The following WNT10B variants were observed in gnomAD, a reference collection of about 807,000 sequenced individuals.
WNT10B encodes protein Wnt-10b.
Under a neutral mutation model 32.7 loss-of-function variants are expected in WNT10B, and 26 were observed. That is an observed-to-expected ratio of 0.79 (90% CI 0.58 to 1.10). WNT10B has a LOEUF of 1.10. Among genes scored for constraint, WNT10B ranks in the 50% least tolerant of loss-of-function variants. The pLI is 0.00. For synonymous variants in WNT10B, 204 were observed against 220.4 expected, an observed-to-expected ratio of 0.93 and a Z score of 0.66; for missense variants, 474 against 532.5, an observed-to-expected ratio of 0.89 and a Z score of 1.08.
chr12:48,966,150 C>CA lies in WNT10B; in HGVS notation c.1114dup (p.Cys372LeufsTer6), dbSNP rs1565715014. 6.2e-7 allele frequency: 1 copy of CA among 1,613,728 alleles called. No individual in the cohort carries two copies. On this transcript the variant is annotated frameshift_variant, in exon 5 of 5. Transcript: ENST00000301061. LOFTEE classifies it high-confidence loss of function. ...CTTGCACTCATCACACAGCACATAG[C>CA]AGCACCAGTGGAAGCGGCAATGGCA...
chr12:48,970,442 G>C lies in WNT10B; in HGVS notation c.74+14C>G. On this transcript the variant is annotated intron_variant, in intron 2 of 4. Coordinates refer to ENST00000301061, the MANE Select transcript of WNT10B (RefSeq NM_003394.4). This position sits in a 1 kb window ranked among gnomAD's most constrained non-coding sequence, Gnocchi z 5.0. The stretch of plus-strand genomic sequence containing the variant: ...GGTGTTTCTATGGCCTGGGAGACAA[G>C]GGGAACTGCTCACCGACTGCACAAC... The C allele has an allele frequency of 1.2e-6, 2 of 1,613,634 alleles. No individual in the cohort carries two copies. The highest frequency in any genetic ancestry group is 1.1e-5 in the South Asian group (1 of 90,982).
Position 48,965,851 on chromosome 12 carries a change from T to A in WNT10B, c.*244A>T. ...AGCAATACAGTGCATTTCATCTTAG[T>A]CCATTCAGGTGTCTAAGGAGCAGAA... On this transcript the variant is annotated 3_prime_UTR_variant, in exon 5 of 5. Coordinates refer to ENST00000301061, the MANE Select transcript of WNT10B (RefSeq NM_003394.4). 3 of 566,228 alleles carry A rather than the reference T, an allele frequency of 5.3e-6. No homozygotes were observed. In the South Asian group the frequency reaches 6.2e-5, roughly 12 times the overall value. 35.1% of individuals were successfully genotyped at this position (566,228 alleles called of 1,614,324 possible).
At chr12:48,967,812 A>G (rs1411988204) in intron 4 of WNT10B, 134 bp downstream of exon 4, 50 of 1,257,366 alleles carry the variant, frequency 4.0e-5, no homozygotes, top group Non-Finnish European at 8.7e-6. Context: ...CAGATACAAA[A>G]CTGAGGCTGG....
In WNT10B at chr12:48,966,455, T is replaced by G. The variant is rs768851586; in HGVS notation, c.810A>C (p.Ala270=). The G allele has an allele frequency of 1.9e-6, 3 of 1,614,028 alleles. No homozygotes were observed. The highest frequency in any genetic ancestry group is 2.5e-6 in the Non-Finnish European group (3 of 1,180,024). The change falls in exon 5 of 5, where the codon GCA becomes GCC. Residue 270 remains alanine (A), a synonymous_variant. Transcript: ENST00000301061. ...TCWRAAPEFR[A]VGAALRERLG... The stretch of plus-strand genomic sequence containing the variant: ...GCCGCTCCCTCAACGCCGCCCCCAC[T>G]GCCCGGAACTCTGGGGCCGCCCTCC...
At chr12:48,969,226 T>C (rs1202337848) in intron 3 of WNT10B, 2 of 446,622 alleles carry the variant, frequency 4.5e-6, no homozygotes, top group Non-Finnish European at 9.2e-6. Flanking sequence ...CAGCACCCGC[T>C]TAGAGACCAG....
chr12:48,967,980 C>T lies in WNT10B; in HGVS notation c.677G>A (p.Arg226Gln), dbSNP rs775256500. The T allele has an allele frequency of 4.3e-6, 7 of 1,614,230 alleles. No individual in the cohort carries two copies. Among genetic ancestry groups the T allele is most frequent in the South Asian group, 2.2e-5 (2 of 91,086 alleles). ...CACCCTGTTGTTGTGGATTCGCATT[C>T]GTGCCTGGATGTCCCGGGGAGCTTC... ...SREAPRDIQARMRIHNNRVGR... is the reference protein window; with the variant it reads ...SREAPRDIQAQMRIHNNRVGR... Residue 226 changes from arginine (R) to glutamine (Q), a missense_variant, in exon 4 of 5, where the codon CGA (arginine) becomes CAA (glutamine). By Grantham distance (43) the Arg-to-Gln change is conservative (BLOSUM62 1). Transcript: ENST00000301061.
rs1249876204 is a variant in WNT10B, at chr12:48,968,332, A to G, written c.338-13T>C. The stretch of plus-strand genomic sequence containing the variant: ...CTTTCTCGGAAACCTGGGGATGAGA[A>G]GGGTGTGATGGTGGAGGTAAGGTTG... On this transcript the variant is annotated splice_polypyrimidine_tract_variant and intron_variant, in intron 3 of 4. Coordinates refer to ENST00000301061, the MANE Select transcript of WNT10B (RefSeq NM_003394.4). 6.3e-7 allele frequency: 1 copy of G among 1,599,964 alleles called. No individual in the cohort carries two copies. The highest frequency in any genetic ancestry group is 8.5e-7 in the Non-Finnish European group (1 of 1,179,950).
At chr12:48,971,116 G>T (rs2137615888) in intron 1 of WNT10B, among the ~76,000 whole-genome samples, 1 of 152,294 alleles carries the variant, frequency 6.6e-6, no homozygotes, top group African/African-American at 2.4e-5. Flanking sequence ...GGCTCCAGGT[G>T]CAGGAAAGAT....
Position 48,966,481 on chromosome 12 carries a change from A to G in WNT10B, c.784T>C (p.Trp262Arg). 6.2e-7 allele frequency: 1 copy of G among 1,614,100 alleles called. No individual in the cohort carries two copies. The highest frequency in any genetic ancestry group is 8.5e-7 in the Non-Finnish European group (1 of 1,180,036). ...GCCCGGAACTCTGGGGCCGCCCTCC[A>G]GCATGTCTTGAACTGGCAGCTGCCT... The part of the protein sequence containing the change: ...TSGSCQFKTC[W>R]RAAPEFRAVG... Residue 262 changes from tryptophan (W) to arginine (R), a missense_variant, in exon 5 of 5, where the codon TGG (tryptophan) becomes CGG (arginine). Transcript: ENST00000301061.
At position 48,966,350 on chromosome 12, in the gene WNT10B, T is replaced by G. The variant is rs767165817; in HGVS notation, c.915A>C (p.Ser305=). ...ACTTCTCAAAGTAGACCAGCTCTCC[T>G]GAGAGGCGACGGGGACGCAGACGGG... ...FQPRLRPRRL[S]GELVYFEKSP... The change falls in exon 5 of 5, where the codon TCA becomes TCC. Residue 305 remains serine, a synonymous_variant. Transcript: ENST00000301061. 1.2e-6 allele frequency: 2 copies of G among 1,614,188 alleles called. No individual in the cohort carries two copies. The highest frequency in any genetic ancestry group is 2.2e-5 in the South Asian group (2 of 91,082).
At chr12:48,968,728 A>G (rs1160537915) in intron 3 of WNT10B, among the ~76,000 whole-genome samples, 1 of 150,766 alleles carries the variant, frequency 6.6e-6, no homozygotes, top group East Asian at 2.0e-4. Flanking sequence ...AATTCCCCCA[A>G]CCCTGCAGGG....
At position 48,968,255 on chromosome 12, in the gene WNT10B, C is replaced by A; in HGVS notation, c.402G>T (p.Thr134=). Reference sequence around the variant, plus strand: ...TCACCAGCTTGCCCAGGCTGCAGGCCGTGGCTACTGCGTGCATGACCCCAG... The same window carrying A: ...TCACCAGCTTGCCCAGGCTGCAGGCAGTGGCTACTGCGTGCATGACCCCAG... ...LAAGVMHAVA[T]ACSLGKLVSC... is the part of the protein sequence containing the mutation. Residue 134 remains threonine, a synonymous_variant, in exon 4 of 5, where the codon ACG becomes ACT. Coordinates refer to ENST00000301061, the MANE Select transcript of WNT10B (RefSeq NM_003394.4). 2 of 1,609,252 alleles carry A rather than the reference C, an allele frequency of 1.2e-6. No homozygotes were observed. Among genetic ancestry groups the A allele is most frequent in the Non-Finnish European group, 1.7e-6 (2 of 1,180,018 alleles).
intron 4 of WNT10B, 111 bp downstream of exon 4, chr12:48,967,835 T>G: frequency 7.0e-7 from 1 of 1,434,250 alleles, no homozygotes; most frequent in South Asian, 1.3e-5. Context: ...GACTTGCTGA[T>G]GGTGAGTGTC....
intron 3 of WNT10B, 126 bp downstream of exon 3, chr12:48,969,963 G>C (rs1172139647): frequency 8.4e-7 from 1 of 1,194,238 alleles, no homozygotes; most frequent in Non-Finnish European, 1.1e-6. Flanking sequence ...CTCCGGGGGG[G>C]GCGGGGAATT....
intron 1 of WNT10B, chr12:48,971,003 C>T (rs2137615803): frequency 4.9e-6 from 1 of 204,346 alleles, no homozygotes; most frequent in South Asian, 8.2e-5. Flanking sequence ...AAGGGGGTGT[C>T]ACCTCCAGGT....
At chr12:48,967,395 A>C (rs893656107) in intron 4 of WNT10B, among the ~76,000 whole-genome samples, 1 of 151,508 alleles carries the variant, frequency 6.6e-6, no homozygotes, top group African/African-American at 2.4e-5. Context: ...CGATCTCCTC[A>C]CCTCTTGATC....
intron 4 of WNT10B, 52 bp downstream of exon 4, chr12:48,967,894 C>G: frequency 1.2e-6 from 2 of 1,605,952 alleles, no homozygotes; most frequent in South Asian, 2.2e-5. Flanking sequence ...CTCTCAAACT[C>G]TAACCAGGCC....
In WNT10B at chr12:48,968,120, G is replaced by A; in HGVS notation, c.537C>T (p.Ser179=). 1 of 1,614,250 alleles carries A rather than the reference G, an allele frequency of 6.2e-7. No homozygotes were observed. The highest frequency in any genetic ancestry group is 8.5e-7 in the Non-Finnish European group (1 of 1,180,052). ...RGKSFPHSLP[S]PGPGSSPSPG... ...GGCTGGGGCTTGAGCCAGGGCCAGGGCTGGGCAGAGAGTGGGGGAAACTCT... is the reference window on the plus strand; with the variant it reads ...GGCTGGGGCTTGAGCCAGGGCCAGGACTGGGCAGAGAGTGGGGGAAACTCT... The change falls in exon 4 of 5, where the codon AGC becomes AGT. Residue 179 remains serine (S), a synonymous_variant. Transcript: ENST00000301061.
chr12:48,966,379 G>A lies in WNT10B; in HGVS notation c.886C>T (p.Gln296Ter). The A allele has an allele frequency of 6.2e-7, 1 of 1,614,186 alleles. No individual in the cohort carries two copies. Among genetic ancestry groups the A allele is most frequent in the Non-Finnish European group, 8.5e-7 (1 of 1,180,034 alleles). ...DTHNRNSGAF[Q>*]PRLRPRRLSG... ...AGGCGACGGGGACGCAGACGGGGCT[G>A]GAAGGCTCCAGAATTGCGGTTGTGG... The change falls in exon 5 of 5, where the codon CAG becomes TAG. Residue 296 changes from glutamine to a stop codon, truncating the protein, a stop_gained. Coordinates refer to ENST00000301061, the MANE Select transcript of WNT10B (RefSeq NM_003394.4). LOFTEE classifies it high-confidence loss of function.
Sources: gnomAD v4.1 joint callset for allele counts (sites outside exome capture counted in the v4.1 genomes callset) on GRCh38, gnomAD v4.1.1 for gene constraint, Gnocchi (gnomAD v3.1) non-coding constraint, MANE v1.5 for transcripts, NCBI Gene and HGNC (gene_info 2026-07-23, HGNC 2026-07-21) for gene names.